Variants in VAV3 observed in about 807,000 individuals in gnomAD.
VAV3 encodes the protein guanine nucleotide exchange factor VAV3.
Under a neutral mutation model 131.2 loss-of-function variants are expected in VAV3, and 94 were observed. The observed-to-expected ratio is 0.72, with a 90% CI of 0.61 to 0.85. The LOEUF (loss-of-function observed/expected upper bound fraction) is 0.85. VAV3 is among the 40% of genes least tolerant of loss of function. The probability of loss-of-function intolerance (pLI) is 0.00; values close to 1 mark genes in which losing one functional copy is unlikely to be tolerated. For missense variants in VAV3, 939 were observed against 1,002.7 expected (o/e 0.94, Z 0.86); for synonymous variants, 349 against 342.0 (o/e 1.02, Z -0.22).
intron 1 of VAV3, among the ~76,000 whole-genome samples, chr1:107,951,799 T>C (rs779657336): frequency 6.8e-6 from 1 of 146,250 alleles, no homozygotes; most frequent in Non-Finnish European, 1.5e-5. Flanking sequence ...AGAATGGCTA[T>C]TATCAAAAAG....
intron 18 of VAV3, 141 bp downstream of exon 18, chr1:107,688,240 A>T (rs952732510): frequency 2.5e-5 from 27 of 1,066,510 alleles, no homozygotes; most frequent in Non-Finnish European, 3.4e-5. Flanking sequence ...GTTCACAATC[A>T]CTTGGTTGTT....
At chr1:107,793,250 T>C (rs1666379161) in intron 2 of VAV3, among the ~76,000 whole-genome samples, 1 of 152,158 alleles carries the variant, frequency 6.6e-6, no homozygotes. Flanking sequence ...ACCTTCATCA[T>C]GGGTGATCTG....
intron 20 of VAV3, among the ~76,000 whole-genome samples, chr1:107,630,207 C>T (rs528819699): frequency 1.3e-5 from 2 of 152,258 alleles, no homozygotes; most frequent in South Asian, 4.1e-4. Flanking sequence ...TCATTCCTTA[C>T]ATCATGGAGG....
intron 19 of VAV3, among the ~76,000 whole-genome samples, chr1:107,656,723 T>A (rs1323951319): frequency 6.6e-6 from 1 of 152,108 alleles, no homozygotes; most frequent in Non-Finnish European, 1.5e-5. Flanking sequence ...AGTATGCACA[T>A]CTATTATATA....
intron 1 of VAV3, among the ~76,000 whole-genome samples, chr1:107,883,876 C>A (rs1478672687): frequency 1.3e-5 from 2 of 152,180 alleles, no homozygotes; most frequent in Non-Finnish European, 2.9e-5. Context: ...TCTGTCAACA[C>A]CTGCATTAGT....
intron 3 of VAV3, among the ~76,000 whole-genome samples, chr1:107,778,780 C>T (rs17020010): frequency 0.083 from 12,647 of 152,136 alleles, 803 homozygotes; most frequent in East Asian, 0.28. Context: ...GACTGTTTTG[C>T]TTTATTTCCT....
intron 25 of VAV3, among the ~76,000 whole-genome samples, chr1:107,584,072 G>A (rs1038281676): frequency 4.6e-5 from 7 of 152,184 alleles, no homozygotes; most frequent in African/African-American, 1.7e-4. Context: ...TAGATCAAAG[G>A]AACAGAACAG....
chr1:107,881,937 T>C (rs548028035), intron 1 of VAV3, among the ~76,000 whole-genome samples: 20 of 152,350 alleles, frequency 1.3e-4, no homozygotes, highest in African/African-American at 4.3e-4. Flanking sequence ...CTCCTTTTCC[T>C]CTACCCCTTA....
intron 2 of VAV3, among the ~76,000 whole-genome samples, chr1:107,863,952 G>A (rs77838328): frequency 0.016 from 2,419 of 152,192 alleles, 47 homozygotes; most frequent in African/African-American, 0.045. Context: ...CTCCAGAAGT[G>A]TATGTACAGT....
At chr1:107,797,380 T>C (rs12121388) in intron 2 of VAV3, among the ~76,000 whole-genome samples, 22,217 of 152,168 alleles carry the variant, frequency 0.15, 1,787 homozygotes, top group African/African-American at 0.18. Flanking sequence ...TTCTACTAGG[T>C]GTCAGGGATG....
chr1:107,768,702 C>CG (rs1208242382), intron 6 of VAV3, among the ~76,000 whole-genome samples, 193 bp from the exon 7 acceptor site: 1 of 151,952 alleles, frequency 6.6e-6, no homozygotes, highest in Non-Finnish European at 1.5e-5. Context: ...AACATAAATA[C>CG]GAGCTAATAT....
intron 2 of VAV3, among the ~76,000 whole-genome samples, chr1:107,864,160 T>C (rs1038753421): frequency 1.3e-5 from 2 of 152,184 alleles, no homozygotes; most frequent in Admixed American, 1.3e-4. Context: ...CAAAATGCAA[T>C]GTATACATAT....
intron 1 of VAV3, 47 bp from the exon 2 acceptor site, chr1:107,875,064 T>C (rs1181544589): frequency 6.8e-7 from 1 of 1,477,334 alleles, no homozygotes. Context: ...TTATTCTGAA[T>C]GCTATCCACC....
chr1:107,906,595 G>A (rs1672119801), intron 1 of VAV3, among the ~76,000 whole-genome samples: 1 of 152,124 alleles, frequency 6.6e-6, no homozygotes, highest in Non-Finnish European at 1.5e-5. Context: ...GAACCCAAGA[G>A]GCAGAGCTTG....
chr1:107,626,569 T>C (rs903840465), intron 20 of VAV3, among the ~76,000 whole-genome samples: 1 of 152,198 alleles, frequency 6.6e-6, no homozygotes, highest in African/African-American at 2.4e-5. Flanking sequence ...CTACTGATTT[T>C]ACTCAAGGGA....
chr1:107,923,319 T>C (rs1338435449), intron 1 of VAV3, among the ~76,000 whole-genome samples: 1 of 152,136 alleles, frequency 6.6e-6, no homozygotes, highest in Non-Finnish European at 1.5e-5. Flanking sequence ...GTTTGAAGGT[T>C]TGTGTCTTCC....
chr1:107,602,055 A>G (rs1651908736), intron 24 of VAV3, among the ~76,000 whole-genome samples: 1 of 152,130 alleles, frequency 6.6e-6, no homozygotes, highest in Non-Finnish European at 1.5e-5. Context: ...TTTTTGTGTT[A>G]TAATTTAAAA....
chr1:107,941,385 A>G, intron 1 of VAV3, among the ~76,000 whole-genome samples: 1 of 152,124 alleles, frequency 6.6e-6, no homozygotes, highest in Admixed American at 6.5e-5. Flanking sequence ...TTGCTGTGTA[A>G]TTGCTTTGGG....
At chr1:107,838,451 A>G (rs1307524944) in intron 2 of VAV3, among the ~76,000 whole-genome samples, 1 of 152,140 alleles carries the variant, frequency 6.6e-6, no homozygotes, top group Non-Finnish European at 1.5e-5. Flanking sequence ...AAAAATAACA[A>G]ATGTTGGCAA....
Sources: allele counts gnomAD v4.1 joint callset (sites outside exome capture counted in the v4.1 genomes callset), GRCh38; gene constraint gnomAD v4.1.1; transcripts MANE v1.5; gene names NCBI Gene and HGNC (gene_info 2026-07-23, HGNC 2026-07-21).